WDR48: variants seen among roughly 807,000 people sequenced by gnomAD.
The protein encoded by WDR48 is WD repeat-containing protein 48.
WDR48 carries 22 observed loss-of-function variants against 94.0 expected under a neutral mutation model. That is an observed-to-expected ratio of 0.23 (90% CI 0.17 to 0.33). WDR48 has a LOEUF of 0.33. WDR48 is among the 10% of genes least tolerant of loss of function. The pLI is 1.00. For synonymous variants in WDR48, 278 were observed against 280.5 expected, an observed-to-expected ratio of 0.99 and a Z score of 0.09; for missense variants, 541 against 813.8, an observed-to-expected ratio of 0.66 and a Z score of 4.08.
intron 1 of WDR48, among the ~76,000 whole-genome samples, chr3:39,054,316 GA>G (rs2125628787): frequency 6.6e-6 from 1 of 152,288 alleles, no homozygotes; most frequent in African/African-American, 2.4e-5. Flanking sequence ...CGCTGTGTCT[GA>G]GGGAGGGAGC....
chr3:39,090,596 G>T (rs1323809409), intron 16 of WDR48: 1 of 152,082 alleles, frequency 6.6e-6, no homozygotes, highest in Non-Finnish European at 1.5e-5. Context: ...TTGGTGTGAA[G>T]TAGGATTTAG....
At position 39,094,492 on chromosome 3, in the gene WDR48, T is replaced by C. The variant is rs189631923; in HGVS notation, c.1939-156T>C. ...GTACATCTCACTAAGCTCAATTTCATTCCCGCATGCATGGAAGCCGTGACA... is the reference window on the plus strand; with the variant it reads ...GTACATCTCACTAAGCTCAATTTCACTCCCGCATGCATGGAAGCCGTGACA... On this transcript the variant is annotated intron_variant, in intron 18 of 18. Transcript: ENST00000302313. 1.0e-5 allele frequency: 16 copies of C among 1,535,630 alleles called. No homozygotes were observed. The Admixed American group carries it at 3.1e-4, about 30-fold the overall frequency.
At chr3:39,085,144 G>T (rs1231215491) in intron 13 of WDR48, among the ~76,000 whole-genome samples, 1 of 151,814 alleles carries the variant, frequency 6.6e-6, no homozygotes, top group Non-Finnish European at 1.5e-5. Context: ...GGAGAATGGC[G>T]TGAACCCGGG....
chr3:39,094,551 G>T, intron 18 of WDR48, 97 bp from the exon 19 acceptor site: 1 of 1,558,686 alleles, frequency 6.4e-7, no homozygotes, highest in South Asian at 1.2e-5. Context: ...GGGGAGGAGT[G>T]AGCAAGCTGG....
rs944903269 is a variant in WDR48, at chr3:39,063,267, A to G, written c.189+77A>G. On this transcript the variant is annotated intron_variant, in intron 2 of 18. Transcript: ENST00000302313. ...TACTGTCTAATATGACACTTTTCAC[A>G]GTTTCAGATTTAATCTCTCTGAATG... The G allele has an allele frequency of 1.2e-5, 18 of 1,542,532 alleles. 1 individual carries two copies. The South Asian group carries it at 1.9e-4, about 17-fold the overall frequency.
At chr3:39,073,629 C>T (rs2034055874) in intron 7 of WDR48, among the ~76,000 whole-genome samples, 1 of 152,162 alleles carries the variant, frequency 6.6e-6, no homozygotes, top group Non-Finnish European at 1.5e-5. Context: ...CAGTAACATG[C>T]TGTGTGGATG....
At chr3:39,087,550 T>A (rs1379307916) in intron 14 of WDR48, among the ~76,000 whole-genome samples, 1 of 151,968 alleles carries the variant, frequency 6.6e-6, no homozygotes, top group Non-Finnish European at 1.5e-5. Context: ...CCAGGGGAGG[T>A]TGAGGCCGCA....
chr3:39,053,083 C>T (rs2032581531), intron 1 of WDR48, among the ~76,000 whole-genome samples: 1 of 152,194 alleles, frequency 6.6e-6, no homozygotes, highest in South Asian at 2.1e-4. Flanking sequence ...AATAAAAGCC[C>T]TCTTACAGGT....
At position 39,074,296 on chromosome 3, in the gene WDR48, A is replaced by C. The variant is rs142469256; in HGVS notation, c.673-430A>C. On this transcript the variant is annotated intron_variant, in intron 7 of 18. Transcript: ENST00000302313. ...TTCTCCTGCTGGAGTATCTCTAAGC[A>C]TAATGAATAGGTGTCATTCATCTAG... Among the ~76,000 whole-genome samples the C allele has an allele frequency of 8.3e-3, 1,261 of 152,364 alleles. 24 individuals carry two copies. Among genetic ancestry groups the C allele is most frequent in the African/African-American group, 0.029 (1,213 of 41,580 alleles).
intron 17 of WDR48, among the ~76,000 whole-genome samples, chr3:39,091,997 C>T (rs2035095948): frequency 6.6e-6 from 1 of 152,144 alleles, no homozygotes; most frequent in South Asian, 2.1e-4. Flanking sequence ...CGTAGTGAGA[C>T]TCCTGTCTCT....
At chr3:39,057,844 A>T (rs1403841412) in intron 1 of WDR48, among the ~76,000 whole-genome samples, 1 of 152,110 alleles carries the variant, frequency 6.6e-6, no homozygotes, top group Non-Finnish European at 1.5e-5. Flanking sequence ...GATGGTCTTG[A>T]TCTCCTGACC....
intron 1 of WDR48, among the ~76,000 whole-genome samples, chr3:39,059,069 C>T (rs1488881915): frequency 1.6e-5 from 2 of 123,420 alleles, no homozygotes; most frequent in Non-Finnish European, 3.1e-5. Context: ...AGTGAGACTC[C>T]GTCTCAAAAA....
intron 5 of WDR48, among the ~76,000 whole-genome samples, 184 bp downstream of exon 5, chr3:39,067,059 A>G (rs1238305102): frequency 6.6e-6 from 1 of 152,212 alleles, no homozygotes; most frequent in Non-Finnish European, 1.5e-5. Flanking sequence ...TCCTCACTGC[A>G]GTCTAAAAAT....
chr3:39,094,632 A>C lies in WDR48; in HGVS notation c.1939-16A>C. 1 of 1,613,954 alleles carries C rather than the reference A, an allele frequency of 6.2e-7. No homozygotes were observed. The highest frequency in any genetic ancestry group is 1.3e-5 in the African/African-American group (1 of 75,034). The stretch of plus-strand genomic sequence containing the variant: ...TAGAGACTTTGAAATTTTTAAATTT[A>C]ATTTTGGCTATTCAGGTTTTGGATC... On this transcript the variant is annotated splice_polypyrimidine_tract_variant and intron_variant, in intron 18 of 18. Coordinates refer to ENST00000302313, the MANE Select transcript of WDR48 (RefSeq NM_020839.4).
intron 7 of WDR48, 131 bp downstream of exon 7, chr3:39,069,875 A>G (rs1356595474): frequency 1.5e-6 from 1 of 652,222 alleles, no homozygotes; most frequent in Admixed American, 3.2e-5. Flanking sequence ...AAATTTTAAA[A>G]TACTAAATTG....
chr3:39,076,612 G>A (rs1351465497), intron 8 of WDR48, among the ~76,000 whole-genome samples: 7 of 152,210 alleles, frequency 4.6e-5, no homozygotes, highest in African/African-American at 1.2e-4. Context: ...GATTCCGCTT[G>A]TGTAATATAT....
intron 2 of WDR48, among the ~76,000 whole-genome samples, chr3:39,063,949 T>G (rs577264465): frequency 1.3e-5 from 2 of 152,262 alleles, no homozygotes; most frequent in African/African-American, 4.8e-5. Context: ...AGACCTTGTC[T>G]CAAATAAATA....
At chr3:39,078,070 C>A in intron 9 of WDR48, 67 bp from the exon 10 acceptor site, 1 of 1,194,536 alleles carries the variant, frequency 8.4e-7, no homozygotes, top group Non-Finnish European at 1.2e-6. Context: ...TTTTTCTTGC[C>A]ACTTTAAACA....
chr3:39,062,608 G>A (rs1321013901), intron 1 of WDR48, among the ~76,000 whole-genome samples: 1 of 152,194 alleles, frequency 6.6e-6, no homozygotes, highest in African/African-American at 2.4e-5. Context: ...TGATGGTCTG[G>A]AGGCACAATG....
Sources: allele counts gnomAD v4.1 joint callset (sites outside exome capture counted in the v4.1 genomes callset), GRCh38; gene constraint gnomAD v4.1.1; transcripts MANE v1.5; gene names NCBI Gene and HGNC (gene_info 2026-07-23, HGNC 2026-07-21).